The following PLA2G2C variants were observed in gnomAD, a reference collection of about 807,000 sequenced individuals.
PLA2G2C encodes putative inactive group IIC secretory phospholipase A2.
A neutral mutation model predicts 14.3 loss-of-function variants in PLA2G2C; 15 were observed. That is an observed-to-expected ratio of 1.05 (90% CI 0.70 to 1.62). The LOEUF is 1.62. PLA2G2C is among the 40% of genes most tolerant of loss of function. The pLI is 0.00. For missense variants in PLA2G2C, 162 were observed against 173.2 expected (o/e 0.94, Z 0.36); for synonymous variants, 79 against 67.7 (o/e 1.17, Z -0.82).
intron 1 of PLA2G2C, among the ~76,000 whole-genome samples, chr1:20,178,277 T>C (rs1260702622): frequency 6.6e-6 from 1 of 152,190 alleles, no homozygotes; most frequent in Non-Finnish European, 1.5e-5. Context: ...CAAGTGGTCT[T>C]TATAGCCCCC....
chr1:20,168,981 A>T (rs2018023957), intron 4 of PLA2G2C, among the ~76,000 whole-genome samples: 1 of 152,244 alleles, frequency 6.6e-6, no homozygotes, highest in South Asian at 2.1e-4. Context: ...AGAGTCGTGG[A>T]CAGACCAAGT....
At chr1:20,165,759 CAT>C (rs1557784574) in intron 4 of PLA2G2C, among the ~76,000 whole-genome samples, 1 of 151,676 alleles carries the variant, frequency 6.6e-6, no homozygotes, top group East Asian at 1.9e-4. Context: ...TCCATGTGTG[CAT>C]GTGTGTGTAT....
chr1:20,164,060 G>A lies in PLA2G2C; in HGVS notation c.381C>T (p.Pro127=), dbSNP rs1390251185. 6.2e-7 allele frequency: 1 copy of A among 1,613,838 alleles called. No individual in the cohort carries two copies. Among genetic ancestry groups the A allele is most frequent in the South Asian group, 1.1e-5 (1 of 91,036 alleles). ...QSVHCFKESL[P]TYEKNFKQFS... ...ACTGCTTGAAGTTTTTCTCATAGGT[G>A]GGCAGGCTCTCTTTGAAGCAGTGCA... The change falls in exon 5 of 5, where the codon CCC becomes CCT. Residue 127 remains proline, a synonymous_variant. Coordinates refer to ENST00000679259, the MANE Select transcript of PLA2G2C (RefSeq NM_001367969.2).
intron 1 of PLA2G2C, among the ~76,000 whole-genome samples, chr1:20,177,807 T>C (rs2018212422): frequency 6.6e-6 from 1 of 152,218 alleles, no homozygotes; most frequent in Admixed American, 6.5e-5. Context: ...TTGGTTTGCA[T>C]CTAGTCCCAC....
At chr1:20,173,560 A>G (rs1038870728) in intron 3 of PLA2G2C, among the ~76,000 whole-genome samples, 1 of 152,154 alleles carries the variant, frequency 6.6e-6, no homozygotes, top group African/African-American at 2.4e-5. Flanking sequence ...TTTACTGAGC[A>G]CCTACTGTGA....
At chr1:20,171,758 CTTTTTTTT>C (rs10710359) in intron 4 of PLA2G2C, among the ~76,000 whole-genome samples, 2 of 121,566 alleles carry the variant, frequency 1.6e-5, no homozygotes, top group African/African-American at 5.8e-5. Context: ...GCCACTTCTT[CTTTTTTTT>C]TTTTTTTTTT....
chr1:20,176,018 T>G (rs1158940723), intron 2 of PLA2G2C, among the ~76,000 whole-genome samples: 1 of 151,728 alleles, frequency 6.6e-6, no homozygotes, highest in African/African-American at 2.4e-5. Context: ...CAGGCAATTC[T>G]CCTGCCTCAG....
chr1:20,173,318 A>C (rs750579507), intron 3 of PLA2G2C, among the ~76,000 whole-genome samples: 47 of 152,088 alleles, frequency 3.1e-4, no homozygotes, highest in South Asian at 8.3e-4. Flanking sequence ...CCCGTCTCCC[A>C]AAAAATAAAT....
intron 4 of PLA2G2C, 147 bp downstream of exon 4, chr1:20,172,647 T>C: frequency 1.4e-6 from 1 of 701,206 alleles, no homozygotes; most frequent in Admixed American, 2.9e-5. Context: ...TGAGAAGCTC[T>C]GGAGCATCAG....
At chr1:20,165,680 G>A (rs1044807773) in intron 4 of PLA2G2C, among the ~76,000 whole-genome samples, 1 of 152,054 alleles carries the variant, frequency 6.6e-6, no homozygotes, top group African/African-American at 2.4e-5. Context: ...GTGTGTGCAT[G>A]TGTGTGCATG....
At chr1:20,182,694 A>G (rs2018293245) in intron 1 of PLA2G2C, among the ~76,000 whole-genome samples, 1 of 152,242 alleles carries the variant, frequency 6.6e-6, no homozygotes, top group African/African-American at 2.4e-5. Context: ...TTGCTACTAG[A>G]ATATCCACCT....
chr1:20,172,933 C>T (rs1348976893), intron 3 of PLA2G2C, 36 bp from the exon 4 acceptor site: 4 of 1,542,416 alleles, frequency 2.6e-6, no homozygotes, highest in Middle Eastern at 1.8e-4. Flanking sequence ...GCTGGAGGAC[C>T]TTATCTGGGG....
At chr1:20,186,135 G>A (rs1279980620) in intron 1 of PLA2G2C, 4 of 152,568 alleles carry the variant, frequency 2.6e-5, no homozygotes, top group Admixed American at 2.6e-4. Context: ...GCAGGCGGCG[G>A]ATGGAGCGGA....
intron 4 of PLA2G2C, among the ~76,000 whole-genome samples, chr1:20,170,159 C>T (rs1335058351): frequency 1.3e-5 from 2 of 152,200 alleles, no homozygotes; most frequent in South Asian, 2.1e-4. Flanking sequence ...AGGTGCTGTG[C>T]GTACAGCATC....
intron 4 of PLA2G2C, among the ~76,000 whole-genome samples, chr1:20,166,725 C>T (rs1266962971): frequency 6.6e-6 from 1 of 152,166 alleles, no homozygotes; most frequent in African/African-American, 2.4e-5. Context: ...TTCTCCCTGC[C>T]CCCTCTCCCT....
At chr1:20,182,369 G>A (rs111471826) in intron 1 of PLA2G2C, among the ~76,000 whole-genome samples, 14 of 152,250 alleles carry the variant, frequency 9.2e-5, no homozygotes, top group African/African-American at 3.4e-4. Context: ...TTACTATTGT[G>A]TTACAATTGC....
rs1300740440 is a variant in PLA2G2C, at chr1:20,175,143, G to A, written c.43C>T (p.Pro15Ser). 1.1e-5 allele frequency: 18 copies of A among 1,613,786 alleles called. No homozygotes were observed. The highest frequency in any genetic ancestry group is 1.4e-5 in the Non-Finnish European group (17 of 1,179,860). ...AILTLLLFCS[P>S]THSSFWQFQR... ...AACTGCCAGAAACTGCTGTGGGTGG[G>A]GGCTGCCACCACCGATGAGAAAAAA... Residue 15 changes from proline to serine, a missense_variant and splice_region_variant, in exon 3 of 5, where the codon CCC becomes TCC. Pro to Ser is a moderately conservative substitution (Grantham distance 74). Coordinates refer to ENST00000679259, the MANE Select transcript of PLA2G2C (RefSeq NM_001367969.2).
In PLA2G2C at chr1:20,176,800, A is replaced by G. The variant is rs571388195; in HGVS notation, c.40+524T>C. Among the ~76,000 whole-genome samples the G allele has an allele frequency of 1.7e-4, 26 of 152,342 alleles. No individual in the cohort carries two copies. In the South Asian group the frequency reaches 4.8e-3, roughly 28 times the overall value. ...CTCAACGAATCCAGCAAAAGAGTCT[A>G]TCAGTCTCCAGTAGACCCCAAACTG... On this transcript the variant is annotated intron_variant, in intron 2 of 4. Transcript: ENST00000679259.
intron 4 of PLA2G2C, among the ~76,000 whole-genome samples, chr1:20,170,676 C>T (rs1188239956): frequency 2.0e-5 from 3 of 152,152 alleles, no homozygotes; most frequent in Non-Finnish European, 4.4e-5. Flanking sequence ...TGGCCTGGTC[C>T]TCACGGGCTG....
Sources: allele counts gnomAD v4.1 joint callset (sites outside exome capture counted in the v4.1 genomes callset), GRCh38; gene constraint gnomAD v4.1.1; transcripts MANE v1.5; gene names NCBI Gene and HGNC (gene_info 2026-07-23, HGNC 2026-07-21).